DAB1: variants seen among roughly 807,000 people sequenced by gnomAD.
The protein encoded by DAB1 is disabled homolog 1.
In DAB1, 15 loss-of-function variants were observed where a neutral mutation model predicts 64.6. The ratio of observed to expected loss-of-function variants is 0.23; its 90% CI spans 0.16 to 0.36. DAB1 has a LOEUF of 0.36. Ranked by LOEUF, DAB1 falls within the 10% of genes least tolerant of loss-of-function variation. The probability of loss-of-function intolerance (pLI) is 1.00; values close to 1 mark genes in which losing one functional copy is unlikely to be tolerated. For missense variants in DAB1, 596 were observed against 706.7 expected, an observed-to-expected ratio of 0.84 and a Z score of 1.78; for synonymous variants, 235 against 251.9, an observed-to-expected ratio of 0.93 and a Z score of 0.64.
chr1:57,423,065 C>A (rs987170190), intron 1 of DAB1, among the ~76,000 whole-genome samples: 20 of 151,938 alleles, frequency 1.3e-4, no homozygotes, highest in African/African-American at 4.8e-4. Context: ...CCATCTCGGA[C>A]TCCCTGCCTC....
In DAB1 at chr1:58,162,959, G is replaced by A. The variant is rs540738127; in HGVS notation, n.310-12371C>T. On this transcript the variant is annotated intron_variant and non_coding_transcript_variant, in intron 4 of 20. Transcript: ENST00000485760. ...CTTAATTGTCACAACTGAGGGATTG[G>A]TACTACAATTTAGTAGGTAGAGGAC... 4.6e-5 allele frequency among the ~76,000 whole-genome samples: 7 copies of A among 152,246 alleles called. No homozygotes were observed. The East Asian group carries it at 9.7e-4, about 21-fold the overall frequency.
chr1:57,606,144 G>T (rs2101592304), intron 7 of DAB1: 1 of 281,490 alleles, frequency 3.6e-6, no homozygotes. Flanking sequence ...TTAAAGTGAT[G>T]CAAATTTGGT....
At chr1:57,908,723 G>A (rs1274791681) in intron 5 of DAB1, among the ~76,000 whole-genome samples, 2 of 152,158 alleles carry the variant, frequency 1.3e-5, no homozygotes, top group Non-Finnish European at 1.5e-5. Context: ...ACCAGGGTCT[G>A]TTCTGCTTCC....
At chr1:57,701,808 A>G (rs554143261) in intron 6 of DAB1, among the ~76,000 whole-genome samples, 5 of 152,198 alleles carry the variant, frequency 3.3e-5, no homozygotes, top group Admixed American at 2.0e-4. Flanking sequence ...ATATTTTTTC[A>G]GTTCAGCAAA....
rs935111183 is a variant in DAB1, at chr1:57,889,897, G to T, written n.388-5735C>A. Among the ~76,000 whole-genome samples, 24 of 123,392 alleles carry T rather than the reference G, an allele frequency of 1.9e-4. 2 individuals are homozygous for T. The highest frequency in any genetic ancestry group is 3.9e-4 in the Non-Finnish European group (23 of 59,450). 80.9% of individuals were successfully genotyped at this position (123,392 alleles called of 152,430 possible). A position where few individuals can be genotyped will look rare whatever the true frequency, so the allele number is the denominator to read the frequency against. The stretch of plus-strand genomic sequence containing the variant: ...ATTCGCAGATGGTAGCACAAACTGG[G>T]GCGGGGGGGGGGGAGGGGGAAGAAA... On this transcript the variant is annotated intron_variant and non_coding_transcript_variant, in intron 5 of 20. Transcript: ENST00000485760.
At chr1:57,746,610 G>A (rs915374338) in intron 6 of DAB1, among the ~76,000 whole-genome samples, 1 of 152,064 alleles carries the variant, frequency 6.6e-6, no homozygotes, top group Admixed American at 6.5e-5. Context: ...ATCTGCAAAT[G>A]CTCAAATCCT....
At chr1:58,091,221 A>G (rs534364852) in intron 5 of DAB1, among the ~76,000 whole-genome samples, 1 of 152,080 alleles carries the variant, frequency 6.6e-6, no homozygotes, top group Non-Finnish European at 1.5e-5. Context: ...CGTTAGTTTT[A>G]TTTATTACCC....
chr1:58,458,120 C>T (rs1236052613), intron 3 of DAB1, among the ~76,000 whole-genome samples: 1 of 152,338 alleles, frequency 6.6e-6, no homozygotes, highest in East Asian at 1.9e-4. Flanking sequence ...TCACAAGATT[C>T]AGGTGGCTTC....
chr1:58,102,696 T>C (rs1651392568), intron 5 of DAB1, among the ~76,000 whole-genome samples: 2 of 152,220 alleles, frequency 1.3e-5, no homozygotes, highest in Non-Finnish European at 2.9e-5. Context: ...ACCCACCTTT[T>C]TCTTTTAATG....
At chr1:57,801,084 A>G (rs967019932) in intron 6 of DAB1, among the ~76,000 whole-genome samples, 2 of 152,316 alleles carry the variant, frequency 1.3e-5, no homozygotes, top group South Asian at 4.1e-4. Flanking sequence ...AAAACACAAC[A>G]TCAAGACATA....
At chr1:57,818,856 GCTGAAAGACAAA>G (rs1373146884) in intron 6 of DAB1, among the ~76,000 whole-genome samples, 1 of 151,860 alleles carries the variant, frequency 6.6e-6, no homozygotes, top group Non-Finnish European at 1.5e-5. Flanking sequence ...AGATCCGAGT[GCTGAAAGACAAA>G]CAGGAATTTT....
intron 1 of DAB1, among the ~76,000 whole-genome samples, chr1:57,365,067 C>T (rs1311346876): frequency 7.1e-6 from 1 of 141,442 alleles, no homozygotes; most frequent in Non-Finnish European, 1.5e-5. Flanking sequence ...CTATCATAGA[C>T]TTTATATATA....
chr1:57,301,744 G>GT (rs1673679232), intron 1 of DAB1, among the ~76,000 whole-genome samples: 1 of 152,148 alleles, frequency 6.6e-6, no homozygotes. Flanking sequence ...AGCCTAGGTG[G>GT]TGCAACAGAT....
chr1:57,316,071 G>T (rs935781361), intron 1 of DAB1, among the ~76,000 whole-genome samples: 3 of 152,166 alleles, frequency 2.0e-5, no homozygotes, highest in Non-Finnish European at 4.4e-5. Context: ...CTCTTAGTAA[G>T]TGACGAAGCC....
At chr1:57,019,497 T>A (rs1646545095) in intron 11 of DAB1, among the ~76,000 whole-genome samples, 1 of 152,054 alleles carries the variant, frequency 6.6e-6, no homozygotes, top group Admixed American at 6.6e-5. Context: ...ACAGGGTAAT[T>A]GGGTATCATG....
intron 5 of DAB1, among the ~76,000 whole-genome samples, chr1:58,086,805 A>T (rs1164082886): frequency 6.6e-6 from 1 of 151,410 alleles, no homozygotes; most frequent in Admixed American, 6.6e-5. Flanking sequence ...TGGTCAGCAA[A>T]CCCCTATTCA....
chr1:58,082,470 T>A (rs1192430500), intron 5 of DAB1, among the ~76,000 whole-genome samples: 1 of 151,990 alleles, frequency 6.6e-6, no homozygotes, highest in African/African-American at 2.4e-5. Context: ...CTCAAAGACT[T>A]TCCTGTCTCG....
intron 2 of DAB1, among the ~76,000 whole-genome samples, chr1:57,180,688 C>T (rs1662822966): frequency 6.6e-6 from 1 of 152,128 alleles, no homozygotes; most frequent in Non-Finnish European, 1.5e-5. Context: ...ACAACAAACA[C>T]ACACACACAC....
chr1:57,512,352 A>G (rs201216995), intron 7 of DAB1, among the ~76,000 whole-genome samples: 1 of 152,218 alleles, frequency 6.6e-6, no homozygotes, highest in East Asian at 1.9e-4. Flanking sequence ...GTCACCCACC[A>G]GTTTGTCTGA....
Sources: allele counts gnomAD v4.1 joint callset (sites outside exome capture counted in the v4.1 genomes callset), GRCh38; gene constraint gnomAD v4.1.1; transcripts MANE v1.5; gene names NCBI Gene and HGNC (gene_info 2026-07-23, HGNC 2026-07-21).